ARL17B: variants seen among roughly 807,000 people sequenced by gnomAD.
The protein encoded by ARL17B is ARF like GTPase 17B.
At chr17:46,288,706 CTTTTTTT>C (rs199591277) in intron 4 of ARL17B, among the ~76,000 whole-genome samples, 1 of 139,060 alleles carries the variant, frequency 7.2e-6, no homozygotes, top group Non-Finnish European at 1.6e-5. Flanking sequence ...CTTGTTTTTT[CTTTTTTT>C]TTTTTTTTGA....
At chr17:46,278,092 G>A (rs1403228539) in intron 4 of ARL17B, among the ~76,000 whole-genome samples, 3 of 152,124 alleles carry the variant, frequency 2.0e-5, no homozygotes, top group South Asian at 2.1e-4. Flanking sequence ...ACTTACAGGC[G>A]TGCACCACCA....
intron 3 of ARL17B, among the ~76,000 whole-genome samples, chr17:46,305,058 A>T: frequency 1.4e-5 from 1 of 72,142 alleles, no homozygotes; most frequent in Admixed American, 2.0e-4. Flanking sequence ...TTTTGTAGAG[A>T]CAGGGTTTCA....
At chr17:46,276,790 C>CTTTTTTTTTTTTTTTTTT (rs75549659) in intron 4 of ARL17B, among the ~76,000 whole-genome samples, 6 of 134,314 alleles carry the variant, frequency 4.5e-5, no homozygotes, top group Non-Finnish European at 6.4e-5. Flanking sequence ...TTCTTTTTTT[C>CTTTTTTTTTTTTTTTTTT]TTTTTTTTTT....
chr17:46,277,333 C>T (rs1399252327), intron 4 of ARL17B, among the ~76,000 whole-genome samples: 1 of 152,222 alleles, frequency 6.6e-6, no homozygotes, highest in East Asian at 1.9e-4. Flanking sequence ...AAGCAACTTC[C>T]TCTCCTTCAT....
At chr17:46,287,556 C>G (rs1231076425) in intron 4 of ARL17B, among the ~76,000 whole-genome samples, 2 of 152,278 alleles carry the variant, frequency 1.3e-5, no homozygotes, top group Non-Finnish European at 2.9e-5. Context: ...AATTCAATCT[C>G]TACCAGGTTT....
downstream of ARL17B, chr17:46,330,905 G>A (rs2051898068): frequency 2.8e-6 from 2 of 725,362 alleles, 1 homozygote; most frequent in Admixed American, 5.8e-5. Context: ...CACGAGTCCA[G>A]CCCCAAGGGA....
At chr17:46,279,072 A>G (rs2049680847) in intron 4 of ARL17B, among the ~76,000 whole-genome samples, 1 of 152,188 alleles carries the variant, frequency 6.6e-6, no homozygotes, top group Admixed American at 6.5e-5. Flanking sequence ...TGTTGGGATT[A>G]TAGGCATAAG....
chr17:46,325,707 G>A lies in ARL17B; in HGVS notation c.260-26042C>T, dbSNP rs1360434123. ...GTGATGATAGTCCTCTGGTTATGTC[G>A]GAGAATGCCTTGGTTCTTAGGGGCT... On this transcript the variant is annotated intron_variant, in intron 3 of 4. Coordinates refer to the ARL17B transcript ENST00000434041. Among the ~76,000 whole-genome samples the A allele has an allele frequency of 3.5e-4, 28 of 79,906 alleles. 5 individuals carry two copies. Among genetic ancestry groups the A allele is most frequent in the African/African-American group, 7.3e-4 (23 of 31,452 alleles). The allele number at this position is 79,906 out of a possible 152,430, so 52.4% of individuals were successfully genotyped here.
rs1212744901 is a variant in ARL17B at position 46,314,524 on chromosome 17, C to T, written c.260-14859G>A. On this transcript the variant is annotated intron_variant, in intron 3 of 4. Transcript: ENST00000434041. The stretch of plus-strand genomic sequence containing the variant: ...GAGACGGGGTTTCAGCACGTTTATC[C>T]GTTTATCAGGCTGCTCTCGAACTCC... 2.5e-5 allele frequency among the ~76,000 whole-genome samples: 2 copies of T among 79,170 alleles called. 1 individual carries two copies. The highest frequency in any genetic ancestry group is 6.4e-5 in the African/African-American group (2 of 31,122). The allele number at this position is 79,170 out of a possible 152,430, so 51.9% of individuals were successfully genotyped here.
intron 3 of ARL17B, among the ~76,000 whole-genome samples, chr17:46,323,915 G>GT (rs1352439981): frequency 1.0e-5 from 1 of 99,006 alleles, no homozygotes; most frequent in East Asian, 2.6e-4. Flanking sequence ...CATTTACACT[G>GT]TATTAGGTAC....
At chr17:46,281,203 T>A (rs1429515132) in intron 4 of ARL17B, among the ~76,000 whole-genome samples, 3 of 152,172 alleles carry the variant, frequency 2.0e-5, no homozygotes, top group Admixed American at 1.3e-4. Flanking sequence ...TGGCTTATAA[T>A]GTTTATCAAC....
intron 4 of ARL17B, among the ~76,000 whole-genome samples, chr17:46,282,762 C>A (rs1158761279): frequency 6.6e-6 from 1 of 152,208 alleles, no homozygotes; most frequent in Non-Finnish European, 1.5e-5. Context: ...AAAATACCCT[C>A]TTAGAAACCA....
At chr17:46,284,783 G>T (rs1265707207) in intron 4 of ARL17B, among the ~76,000 whole-genome samples, 1 of 152,248 alleles carries the variant, frequency 6.6e-6, no homozygotes, top group East Asian at 1.9e-4. Context: ...CACACATTGA[G>T]ACTACGATTC....
rs533058714 is a variant in ARL17B at position 46,280,439 on chromosome 17, C to G, written c.*22-5021G>C. ...CTGTAATCCCAGCACTCTGGGAGGC[C>G]AAGGTTGGCGGGAGGATCGCTTGAG... On this transcript the variant is annotated intron_variant, in intron 4 of 4. Coordinates refer to the ARL17B transcript ENST00000570618. 3.9e-5 allele frequency among the ~76,000 whole-genome samples: 6 copies of G among 152,246 alleles called. No individual in the cohort carries two copies. The South Asian group carries it at 1.2e-3, about 32-fold the overall frequency.
At chr17:46,327,154 T>C (rs375451679) in intron 3 of ARL17B, among the ~76,000 whole-genome samples, 1 of 85,636 alleles carries the variant, frequency 1.2e-5, no homozygotes, top group African/African-American at 3.1e-5. Context: ...TTCCTCATGA[T>C]GAAATTCAAG....
intron 4 of ARL17B, among the ~76,000 whole-genome samples, chr17:46,276,118 T>C (rs2049580832): frequency 6.6e-6 from 1 of 152,218 alleles, no homozygotes; most frequent in South Asian, 2.1e-4. Flanking sequence ...CGCAAACTCC[T>C]GACCTCAGGT....
chr17:46,287,168 A>C (rs1278141569), intron 4 of ARL17B, among the ~76,000 whole-genome samples: 2 of 152,248 alleles, frequency 1.3e-5, no homozygotes, highest in African/African-American at 2.4e-5. Context: ...AAAGTCACTC[A>C]CATGGGTTTC....
intron 4 of ARL17B, among the ~76,000 whole-genome samples, chr17:46,279,942 C>T (rs1194608395): frequency 6.6e-6 from 1 of 152,238 alleles, no homozygotes; most frequent in Non-Finnish European, 1.5e-5. Flanking sequence ...TCTTGCCCTA[C>T]TGACCCTCTG....
At chr17:46,350,579 G>C (rs964772488) in intron 3 of ARL17B, among the ~76,000 whole-genome samples, 5 of 89,440 alleles carry the variant, frequency 5.6e-5, no homozygotes, top group Non-Finnish European at 1.2e-4. Flanking sequence ...AAAAAAAGGG[G>C]GGGGGAGGCC....
Sources: gnomAD v4.1 joint callset for allele counts (sites outside exome capture counted in the v4.1 genomes callset) on GRCh38, gnomAD v4.1.1 for gene constraint, MANE v1.5 for transcripts, NCBI Gene and HGNC (gene_info 2026-07-23, HGNC 2026-07-21) for gene names.